Variants in SORD observed in about 807,000 individuals in gnomAD.
SORD encodes the protein (R,R)-butanediol dehydrogenase.
Under a neutral mutation model 35.6 loss-of-function variants are expected in SORD, and 18 were observed. That is an observed-to-expected ratio of 0.51 (90% CI 0.35 to 0.75). The LOEUF (loss-of-function observed/expected upper bound fraction) is 0.75, where lower values mean the gene tolerates loss of function less well. Among genes scored for constraint, SORD ranks in the 30% least tolerant of loss-of-function variants. The pLI, the probability that SORD is intolerant of heterozygous loss-of-function variation, is 0.01. For missense variants in SORD, 250 were observed against 390.2 expected, an observed-to-expected ratio of 0.64 and a Z score of 3.03; for synonymous variants, 106 against 152.9, an observed-to-expected ratio of 0.69 and a Z score of 2.26.
chr15:45,062,459 G>T (rs549216527), intron 4 of SORD, among the ~76,000 whole-genome samples: 2 of 152,134 alleles, frequency 1.3e-5, no homozygotes, highest in South Asian at 4.2e-4. Flanking sequence ...TTCCCCCACC[G>T]CAGCCTGGCC....
At chr15:45,035,516 A>G (rs1165070299) in intron 1 of SORD, among the ~76,000 whole-genome samples, 1 of 152,118 alleles carries the variant, frequency 6.6e-6, no homozygotes, top group African/African-American at 2.4e-5. Context: ...TAAATGCACC[A>G]ATCAGCACCC....
intron 1 of SORD, among the ~76,000 whole-genome samples, chr15:45,039,278 G>A (rs1211101349): frequency 6.6e-6 from 1 of 152,130 alleles, no homozygotes; most frequent in Non-Finnish European, 1.5e-5. Context: ...ACAGGCGCGT[G>A]CCACCACGCC....
chr15:45,038,019 C>G (rs1185833016), intron 1 of SORD, among the ~76,000 whole-genome samples: 4 of 152,022 alleles, frequency 2.6e-5, no homozygotes, highest in African/African-American at 9.7e-5. Context: ...ACAGCGGTCC[C>G]TGATGTCTGA....
At chr15:45,070,665 G>A (rs1203918283) in intron 7 of SORD, 1 of 152,244 alleles carries the variant, frequency 6.6e-6, no homozygotes, top group Non-Finnish European at 1.5e-5. Context: ...GTATGTCTTG[G>A]GTACCTACCA....
At chr15:45,027,219 C>T (rs886980325) in intron 1 of SORD, among the ~76,000 whole-genome samples, 5 of 152,248 alleles carry the variant, frequency 3.3e-5, no homozygotes, top group African/African-American at 7.2e-5. Context: ...GACTGATGAC[C>T]AAGTTGATGT....
chr15:45,069,522 A>T (rs969773076), intron 7 of SORD, among the ~76,000 whole-genome samples: 1 of 151,844 alleles, frequency 6.6e-6, no homozygotes, highest in African/African-American at 2.4e-5. Context: ...TAGTGCGGAG[A>T]CTGTACTTGA....
intron 4 of SORD, among the ~76,000 whole-genome samples, chr15:45,063,413 A>T (rs1261174104): frequency 6.6e-6 from 1 of 151,548 alleles, no homozygotes; most frequent in African/African-American, 2.4e-5. Flanking sequence ...AGAAACTTGG[A>T]GTCTTCTCAT....
At chr15:45,040,545 C>A (rs1164227297) in intron 2 of SORD, 104 bp downstream of exon 2, 15 of 878,982 alleles carry the variant, frequency 1.7e-5, no homozygotes, top group Non-Finnish European at 2.6e-5. Context: ...CTGTTTATTA[C>A]TTTTGCATCC....
At chr15:45,039,639 G>A (rs1892933709) in intron 1 of SORD, among the ~76,000 whole-genome samples, 1 of 152,172 alleles carries the variant, frequency 6.6e-6, no homozygotes, top group Admixed American at 6.5e-5. Context: ...CCTGTGAGAG[G>A]GGCCAAAATG....
intron 1 of SORD, 86 bp downstream of exon 1, chr15:45,023,435 GC>G (rs1036388896): frequency 2.8e-5 from 34 of 1,202,506 alleles, no homozygotes; most frequent in Non-Finnish European, 3.6e-5. Flanking sequence ...CCCACTTCCA[GC>G]CTGGCGCCGG....
At chr15:45,062,701 T>A (rs1893340233) in intron 4 of SORD, among the ~76,000 whole-genome samples, 1 of 138,528 alleles carries the variant, frequency 7.2e-6, no homozygotes, top group Non-Finnish European at 1.6e-5. Flanking sequence ...TGGGCCCATC[T>A]TTCTCGGGCC....
intron 1 of SORD, among the ~76,000 whole-genome samples, chr15:45,038,018 C>A (rs566776564): frequency 1.2e-3 from 185 of 152,116 alleles, no homozygotes; most frequent in African/African-American, 4.4e-3. Context: ...CACAGCGGTC[C>A]CTGATGTCTG....
chr15:45,067,620 C>T (rs1264656421), intron 5 of SORD, among the ~76,000 whole-genome samples: 4 of 152,030 alleles, frequency 2.6e-5, no homozygotes, highest in East Asian at 1.9e-4. Context: ...ATGCAGATAC[C>T]ATGGGGAAGC....
At chr15:45,033,388 T>G (rs1191118742) in intron 1 of SORD, among the ~76,000 whole-genome samples, 2 of 150,936 alleles carry the variant, frequency 1.3e-5, no homozygotes, top group African/African-American at 4.8e-5. Context: ...GCTCTGTAAA[T>G]AATTGTTATA....
At chr15:45,062,398 C>T (rs991815345) in intron 4 of SORD, among the ~76,000 whole-genome samples, 8 of 152,210 alleles carry the variant, frequency 5.3e-5, no homozygotes, top group African/African-American at 1.7e-4. Context: ...AGCCGTGGAG[C>T]TCTAGGGTGC....
intron 1 of SORD, among the ~76,000 whole-genome samples, chr15:45,035,195 A>C (rs1329590670): frequency 2.0e-5 from 3 of 152,068 alleles, no homozygotes; most frequent in Admixed American, 1.3e-4. Flanking sequence ...AATCCCATCG[A>C]CCACCCAAGG....
intron 5 of SORD, 70 bp from the exon 6 acceptor site, chr15:45,068,111 A>G (rs542696191): frequency 1.1e-4 from 125 of 1,178,280 alleles, no homozygotes; most frequent in African/African-American, 1.0e-3. Flanking sequence ...GTTCCTATCC[A>G]TGGCCTGGAC....
At chr15:45,049,870 C>A (rs1893099510) in intron 3 of SORD, among the ~76,000 whole-genome samples, 1 of 152,116 alleles carries the variant, frequency 6.6e-6, no homozygotes, top group Non-Finnish European at 1.5e-5. Context: ...ATTTAATGGA[C>A]AAATGTATGA....
intron 7 of SORD, among the ~76,000 whole-genome samples, chr15:45,071,537 G>A (rs777433868): frequency 2.0e-5 from 3 of 152,148 alleles, no homozygotes; most frequent in Non-Finnish European, 2.9e-5. Context: ...CACCCAGAAT[G>A]GTCCCAATAA....
Sources: allele counts gnomAD v4.1 joint callset (sites outside exome capture counted in the v4.1 genomes callset), GRCh38; gene constraint gnomAD v4.1.1; transcripts MANE v1.5; gene names NCBI Gene and HGNC (gene_info 2026-07-23, HGNC 2026-07-21).